EPC1: variants seen among roughly 807,000 people sequenced by gnomAD.
The protein encoded by EPC1 is enhancer of polycomb homolog 1.
Under a neutral mutation model 98.4 loss-of-function variants are expected in EPC1, and 12 were observed. That is an observed-to-expected ratio of 0.12 (90% confidence interval 0.08 to 0.20). The LOEUF (loss-of-function observed/expected upper bound fraction) is 0.20, where lower values mean the gene tolerates loss of function less well. EPC1 is among the 10% of genes least tolerant of loss of function. The pLI, the probability that EPC1 is intolerant of heterozygous loss-of-function variation, is 1.00. For missense variants in EPC1, 729 were observed against 990.5 expected, an observed-to-expected ratio of 0.74 and a Z score of 3.54; for synonymous variants, 357 against 363.9, an observed-to-expected ratio of 0.98 and a Z score of 0.21.
At position 32,332,533 on chromosome 10, in the gene EPC1, A is replaced by G. The variant is rs569899497; in HGVS notation, c.153+14230T>C. Among the ~76,000 whole-genome samples the G allele has an allele frequency of 3.9e-5, 6 of 152,218 alleles. No individual in the cohort carries two copies. The East Asian group carries it at 1.2e-3, about 29-fold the overall frequency. ...CGTGCTGTCTTACCACTTGGTACAC[A>G]CTCTCTCGAGTCATTTGTTCTGTGA... On this transcript the variant is annotated intron_variant, in intron 1 of 13. Transcript: ENST00000319778.
intron 1 of EPC1, among the ~76,000 whole-genome samples, chr10:32,337,639 T>C (rs1838056895): frequency 6.6e-6 from 1 of 152,232 alleles, no homozygotes; most frequent in African/African-American, 2.4e-5. Flanking sequence ...TTCCTTCATT[T>C]GTGCCTGATG....
intron 1 of EPC1, among the ~76,000 whole-genome samples, chr10:32,369,196 C>T (rs555807003): frequency 3.9e-5 from 6 of 152,166 alleles, no homozygotes; most frequent in Admixed American, 6.5e-5. Flanking sequence ...GATTGTTCTA[C>T]GAGACAATGT....
chr10:32,331,365 A>G (rs113917209), intron 1 of EPC1, among the ~76,000 whole-genome samples: 180 of 152,116 alleles, frequency 1.2e-3, no homozygotes, highest in African/African-American at 3.6e-3. Context: ...AAGAAAAAAA[A>G]AAAAGAAAAG....
chr10:32,285,174 A>G, intron 9 of EPC1, 124 bp from the exon 10 acceptor site: 1 of 678,196 alleles, frequency 1.5e-6, no homozygotes, highest in Non-Finnish European at 2.4e-6. Context: ...TAAAAGCTTT[A>G]AAGTTGATTA....
At chr10:32,293,782 C>A in intron 2 of EPC1, 45 bp from the exon 3 acceptor site, 2 of 1,534,168 alleles carry the variant, frequency 1.3e-6, no homozygotes, top group East Asian at 4.6e-5. Context: ...GTGAATTCAC[C>A]GACAAAAACT....
intron 1 of EPC1, among the ~76,000 whole-genome samples, chr10:32,340,423 TG>T (rs762078329): frequency 4.6e-5 from 7 of 152,228 alleles, no homozygotes; most frequent in Admixed American, 1.3e-4. Context: ...TTTAAAATAC[TG>T]TAAGAACTCA....
chr10:32,320,466 C>T (rs1448010977), intron 1 of EPC1, among the ~76,000 whole-genome samples: 1 of 152,194 alleles, frequency 6.6e-6, no homozygotes, highest in Non-Finnish European at 1.5e-5. Flanking sequence ...GGGATATGCA[C>T]AGAGGCAGGG....
In EPC1 at chr10:32,287,169, G is replaced by A. The variant is rs1836733169; in HGVS notation, c.1081C>T (p.Leu361=). ...ATPQQTSPAA[L]PVFNAKDLNQ... is the part of the protein sequence containing the mutation. Reference sequence around the variant, plus strand: ...AGATCTTTAGCATTGAAGACTGGCAGTGCAGCAGGACTCGTCTGTTGGGGA... The same window carrying A: ...AGATCTTTAGCATTGAAGACTGGCAATGCAGCAGGACTCGTCTGTTGGGGA... The change falls in exon 7 of 14, where the codon CTG becomes TTG. Residue 361 remains leucine, a synonymous_variant. Transcript: ENST00000319778. The A allele has an allele frequency of 6.2e-7, 1 of 1,614,048 alleles. No homozygotes were observed. Among genetic ancestry groups the A allele is most frequent in the African/African-American group, 1.3e-5 (1 of 74,908 alleles).
chr10:32,354,521 T>C (rs954048720), intron 1 of EPC1, among the ~76,000 whole-genome samples: 2 of 152,132 alleles, frequency 1.3e-5, no homozygotes, highest in African/African-American at 4.8e-5. Context: ...TGCAGCAGTA[T>C]TGGGATTTAA....
chr10:32,345,202 ATAAAT>A lies in EPC1; in HGVS notation c.153+1556_153+1560del, dbSNP rs904515267. 1.3e-5 allele frequency: 13 copies of A among 985,100 alleles called. No homozygotes were observed. In the African/African-American group the frequency reaches 2.1e-4, roughly 16 times the overall value. 61.0% of individuals were successfully genotyped at this position (985,100 alleles called of 1,614,324 possible). On this transcript the variant is annotated intron_variant, in intron 1 of 13. Transcript: ENST00000319778. ...CTACTCTAAAGTTGATACAAGTAAA[ATAAAT>A]TAAGAGGTAGTGTCTCATGAGACAA...
chr10:32,283,724 G>C (rs1290326903), intron 10 of EPC1: 2 of 152,158 alleles, frequency 1.3e-5, no homozygotes, highest in East Asian at 3.8e-4. Flanking sequence ...TGGACTAATG[G>C]ACTGTTTATG....
intron 10 of EPC1, chr10:32,282,108 T>G (rs1385178531): frequency 6.6e-6 from 1 of 152,120 alleles, no homozygotes; most frequent in Non-Finnish European, 1.5e-5. Flanking sequence ...CAAATATAAA[T>G]GAACAGTGTT....
chr10:32,278,592 G>A (rs866093352), intron 10 of EPC1, among the ~76,000 whole-genome samples: 30 of 151,674 alleles, frequency 2.0e-4, no homozygotes, highest in Middle Eastern at 6.8e-3. Flanking sequence ...CGTTTTAGCC[G>A]GGATGGTCTC....
intron 1 of EPC1, among the ~76,000 whole-genome samples, chr10:32,367,547 G>A (rs2505357): frequency 0.53 from 79,839 of 151,718 alleles, 23,216 homozygotes; most frequent in East Asian, 0.69. Context: ...AAAATAACAT[G>A]TATATTAAAC....
At chr10:32,310,784 G>C (rs2505415) in intron 1 of EPC1, among the ~76,000 whole-genome samples, 94,011 of 151,694 alleles carry the variant, frequency 0.62, 30,242 homozygotes, top group Middle Eastern at 0.76. Flanking sequence ...TGAAGCAGGA[G>C]AATTGTTTGA....
At chr10:32,295,520 A>G (rs1835101293) in intron 2 of EPC1, among the ~76,000 whole-genome samples, 1 of 152,218 alleles carries the variant, frequency 6.6e-6, no homozygotes. Context: ...CTGTACTCAC[A>G]GTACCTGCAA....
chr10:32,347,998 T>C (rs1838969326), upstream of EPC1, among the ~76,000 whole-genome samples: 1 of 152,210 alleles, frequency 6.6e-6, no homozygotes, highest in South Asian at 2.1e-4. Flanking sequence ...CACTATAACA[T>C]TTAAAAGCAA....
chr10:32,344,857 G>A (rs1050134377), intron 1 of EPC1, among the ~76,000 whole-genome samples: 2 of 152,204 alleles, frequency 1.3e-5, no homozygotes, highest in Non-Finnish European at 2.9e-5. Context: ...AACAAGCACT[G>A]ATACTTCATT....
At chr10:32,316,987 T>C (rs1836593156) in intron 1 of EPC1, among the ~76,000 whole-genome samples, 1 of 152,200 alleles carries the variant, frequency 6.6e-6, no homozygotes. Context: ...TAGCTAGTGG[T>C]ATATTATGGG....
Sources: gnomAD v4.1 joint callset for allele counts (sites outside exome capture counted in the v4.1 genomes callset) on GRCh38, gnomAD v4.1.1 for gene constraint, MANE v1.5 for transcripts, NCBI Gene and HGNC (gene_info 2026-07-23, HGNC 2026-07-21) for gene names.